The following KCNC2 variants were observed in gnomAD, a reference collection of about 807,000 sequenced individuals.
The protein encoded by KCNC2 is voltage-gated potassium channel KCNC2.
A neutral mutation model predicts 44.5 loss-of-function variants in KCNC2; 21 were observed. That is an observed-to-expected ratio of 0.47 (90% CI 0.33 to 0.68). The LOEUF is 0.68. KCNC2 is among the 30% of genes least tolerant of loss of function. The probability of loss-of-function intolerance (pLI) is 0.01; values close to 1 mark genes in which losing one functional copy is unlikely to be tolerated. For missense variants in KCNC2, 589 were observed against 826.2 expected, an observed-to-expected ratio of 0.71 and a Z score of 3.52; for synonymous variants, 391 against 339.1, an observed-to-expected ratio of 1.15 and a Z score of -1.68.
chr12:75,153,940 G>C (rs1309985899), intron 2 of KCNC2, among the ~76,000 whole-genome samples: 1 of 151,876 alleles, frequency 6.6e-6, no homozygotes, highest in Non-Finnish European at 1.5e-5. Context: ...AAAAGGTGGA[G>C]GAGGTGGAAG....
chr12:75,105,578 TG>T (rs1886718712), intron 2 of KCNC2, among the ~76,000 whole-genome samples: 1 of 152,236 alleles, frequency 6.6e-6, no homozygotes, highest in East Asian at 1.9e-4. Flanking sequence ...GGCTTGGACT[TG>T]GGAAAAGAAG....
chr12:75,155,597 T>A (rs1321485673), intron 2 of KCNC2, among the ~76,000 whole-genome samples: 1 of 151,806 alleles, frequency 6.6e-6, no homozygotes, highest in Non-Finnish European at 1.5e-5. Flanking sequence ...AATTAATATC[T>A]AATCTCTATT....
At chr12:75,125,464 A>G (rs1018243683) in intron 2 of KCNC2, among the ~76,000 whole-genome samples, 1 of 152,172 alleles carries the variant, frequency 6.6e-6, no homozygotes, top group South Asian at 2.1e-4. Context: ...AAATTAATCA[A>G]CTGTGTTTTT....
chr12:75,141,545 G>A (rs1385123599), intron 2 of KCNC2, among the ~76,000 whole-genome samples: 1 of 152,028 alleles, frequency 6.6e-6, no homozygotes, highest in Admixed American at 6.5e-5. Flanking sequence ...ACTGACTGCT[G>A]GCTCTTCTTC....
intron 2 of KCNC2, among the ~76,000 whole-genome samples, chr12:75,059,972 C>T (rs1473802415): frequency 6.6e-6 from 1 of 152,116 alleles, no homozygotes; most frequent in Non-Finnish European, 1.5e-5. Flanking sequence ...ATCTCCAGCT[C>T]TGCCTTTTCT....
At chr12:75,208,118 G>A (rs1206069336) in intron 1 of KCNC2, 116 bp from the exon 2 acceptor site, 3 of 1,209,262 alleles carry the variant, frequency 2.5e-6, no homozygotes, top group Admixed American at 2.5e-5. Context: ...GACAGGCACG[G>A]GGCAAAGACC....
chr12:75,117,331 T>C (rs768401136), intron 2 of KCNC2, among the ~76,000 whole-genome samples: 1 of 151,912 alleles, frequency 6.6e-6, no homozygotes, highest in Admixed American at 6.5e-5. Flanking sequence ...GCATTTCTTT[T>C]ATTATCTTGA....
At chr12:75,177,326 A>G (rs1286248359) in intron 2 of KCNC2, among the ~76,000 whole-genome samples, 1 of 151,992 alleles carries the variant, frequency 6.6e-6, no homozygotes, top group East Asian at 1.9e-4. Context: ...AAAATTCTGT[A>G]TAAATTAGTG....
intron 2 of KCNC2, among the ~76,000 whole-genome samples, chr12:75,134,107 T>C (rs1248428379): frequency 6.6e-6 from 1 of 151,962 alleles, no homozygotes; most frequent in Non-Finnish European, 1.5e-5. Context: ...CTATCTATTA[T>C]GGTATCCAGT....
chr12:75,048,019 T>C, intron 4 of KCNC2, 134 bp downstream of exon 4: 2 of 727,686 alleles, frequency 2.7e-6, no homozygotes, highest in Non-Finnish European at 4.7e-6. Context: ...AGAGAAGATG[T>C]AATGAAGAGA....
intron 2 of KCNC2, among the ~76,000 whole-genome samples, chr12:75,195,798 TA>T (rs2030711636): frequency 1.3e-5 from 2 of 152,124 alleles, no homozygotes; most frequent in African/African-American, 4.8e-5. Context: ...CCGCTGCTCT[TA>T]AAATCCTTCA....
chr12:75,198,161 A>G (rs933761187), intron 2 of KCNC2, among the ~76,000 whole-genome samples: 2 of 151,902 alleles, frequency 1.3e-5, no homozygotes, highest in Admixed American at 1.3e-4. Context: ...TAGTTTGCTT[A>G]AATTCTATAT....
rs35598694 is a variant in KCNC2, at chr12:75,117,089, T to TAA, written c.688-65774_688-65773dup. Among the ~76,000 whole-genome samples, 692 of 150,084 alleles carry TAA rather than the reference T, an allele frequency of 4.6e-3. 20 individuals are homozygous for TAA. Among genetic ancestry groups the TAA allele is most frequent in the Admixed American group, 0.04 (609 of 15,106 alleles). On this transcript the variant is annotated intron_variant, in intron 2 of 4. Coordinates refer to ENST00000549446, the MANE Select transcript of KCNC2 (RefSeq NM_139137.4). ...AATTGGGCTTTCTTGCATTGTGGTT[T>TAA]AAAAAAAAAATAAAGGAAAGAGAAG...
At chr12:75,197,483 C>T (rs1490080825) in intron 2 of KCNC2, among the ~76,000 whole-genome samples, 1 of 151,998 alleles carries the variant, frequency 6.6e-6, no homozygotes, top group African/African-American at 2.4e-5. Context: ...ACCTGTGGGT[C>T]TACACTATAT....
intron 2 of KCNC2, among the ~76,000 whole-genome samples, chr12:75,166,601 A>G (rs559991501): frequency 2.6e-5 from 4 of 151,482 alleles, no homozygotes; most frequent in Non-Finnish European, 5.9e-5. Flanking sequence ...TATTAAAATT[A>G]TACAAACTAC....
chr12:75,069,286 C>T (rs934147158), intron 2 of KCNC2, among the ~76,000 whole-genome samples: 23 of 151,676 alleles, frequency 1.5e-4, no homozygotes, highest in African/African-American at 4.6e-4. Context: ...AGGCATGCGC[C>T]ACCACGCCCA....
At chr12:75,115,761 A>AAAATTTTT (rs1887616689) in intron 2 of KCNC2, among the ~76,000 whole-genome samples, 1 of 151,998 alleles carries the variant, frequency 6.6e-6, no homozygotes, top group Admixed American at 6.6e-5. Context: ...TCTTTTTTTA[A>AAAATTTTT]ACAAAATTAT....
intron 2 of KCNC2, among the ~76,000 whole-genome samples, chr12:75,188,740 A>G (rs887078922): frequency 6.6e-6 from 1 of 151,804 alleles, no homozygotes; most frequent in African/African-American, 2.4e-5. Flanking sequence ...CGTGCCTGTA[A>G]TCCCAGCTAC....
chr12:75,080,415 A>G (rs1188810532), intron 2 of KCNC2, among the ~76,000 whole-genome samples: 1 of 152,096 alleles, frequency 6.6e-6, no homozygotes, highest in Non-Finnish European at 1.5e-5. Context: ...GAAGGAGAAA[A>G]AAAAAACCAT....
Sources: gnomAD v4.1 joint callset for allele counts (sites outside exome capture counted in the v4.1 genomes callset) on GRCh38, gnomAD v4.1.1 for gene constraint, MANE v1.5 for transcripts, NCBI Gene and HGNC (gene_info 2026-07-23, HGNC 2026-07-21) for gene names.